COMMD10: variants seen among roughly 807,000 people sequenced by gnomAD.
The protein encoded by COMMD10 is COMM domain-containing protein 10.
A neutral mutation model predicts 28.9 loss-of-function variants in COMMD10; 33 were observed. The observed-to-expected ratio is 1.14, with a 90% CI of 0.87 to 1.53. COMMD10 has a LOEUF of 1.53. Among genes scored for constraint, COMMD10 ranks in the 40% most tolerant of loss-of-function variants. The pLI is 0.00. For missense variants in COMMD10, 310 were observed against 233.4 expected, an observed-to-expected ratio of 1.33 and a Z score of -2.14; for synonymous variants, 110 against 81.7, an observed-to-expected ratio of 1.35 and a Z score of -1.87.
chr5:116,285,265 A>T (rs762381233), intron 5 of COMMD10, among the ~76,000 whole-genome samples: 1 of 152,016 alleles, frequency 6.6e-6, no homozygotes, highest in African/African-American at 2.4e-5. Context: ...TCCTTACTTG[A>T]TAAGATAACT....
chr5:116,150,513 TG>T (rs1043620499), intron 5 of COMMD10, among the ~76,000 whole-genome samples: 2 of 150,194 alleles, frequency 1.3e-5, no homozygotes, highest in African/African-American at 5.0e-5. Context: ...TCCATTTGTT[TG>T]TATCCTCTTT....
chr5:116,261,136 CAT>C (rs1750432844), intron 5 of COMMD10, among the ~76,000 whole-genome samples: 1 of 151,686 alleles, frequency 6.6e-6, no homozygotes, highest in South Asian at 2.1e-4. Context: ...TGAGTAAAAA[CAT>C]ATTTCAGGAA....
chr5:116,135,715 A>G (rs1390787866), intron 5 of COMMD10, among the ~76,000 whole-genome samples: 1 of 152,184 alleles, frequency 6.6e-6, no homozygotes, highest in East Asian at 1.9e-4. Context: ...TGCCTAATTT[A>G]TAAATTAAAC....
chr5:116,198,506 A>G (rs370407935), intron 5 of COMMD10, among the ~76,000 whole-genome samples: 12 of 152,282 alleles, frequency 7.9e-5, no homozygotes, highest in Admixed American at 3.3e-4. Flanking sequence ...GTTTGTCACA[A>G]TAGATGAACC....
intron 5 of COMMD10, among the ~76,000 whole-genome samples, chr5:116,217,747 T>G (rs1296430261): frequency 6.6e-6 from 1 of 152,142 alleles, no homozygotes; most frequent in Non-Finnish European, 1.5e-5. Flanking sequence ...TGGCCATATG[T>G]GTCAAAGTCG....
intron 4 of COMMD10, among the ~76,000 whole-genome samples, chr5:116,115,871 G>A (rs1751217236): frequency 6.6e-6 from 1 of 151,982 alleles, no homozygotes; most frequent in Admixed American, 6.5e-5. Flanking sequence ...AATATTTTAA[G>A]CACTTCTGAG....
intron 5 of COMMD10, among the ~76,000 whole-genome samples, chr5:116,220,649 T>A (rs1275057397): frequency 6.6e-6 from 1 of 152,178 alleles, no homozygotes. Context: ...CGTCTGTTAT[T>A]CCACATTTTC....
intron 5 of COMMD10, among the ~76,000 whole-genome samples, chr5:116,209,812 A>C (rs1287154973): frequency 6.6e-6 from 1 of 152,128 alleles, no homozygotes; most frequent in African/African-American, 2.4e-5. Context: ...TCTTTAAGAT[A>C]TTGTCAGCTA....
intron 4 of COMMD10, among the ~76,000 whole-genome samples, chr5:116,123,803 T>C (rs1751523076): frequency 6.6e-6 from 1 of 152,002 alleles, no homozygotes. Context: ...CTTGGGAGGG[T>C]GTATGTGTCC....
At position 116,146,401 on chromosome 5, in the gene COMMD10, A is replaced by C. The variant is rs150625300; in HGVS notation, c.510+12223A>C. On this transcript the variant is annotated intron_variant, in intron 5 of 6. Transcript: ENST00000274458. ...TGTGAGAATTTTGTATGTTGTTTGA[A>C]TTATATTAGCTTTTGAACATCAGTG... is the stretch of plus-strand genomic sequence containing the variant. Among the ~76,000 whole-genome samples, 881 of 151,980 alleles carry C rather than the reference A, an allele frequency of 5.8e-3. 7 individuals are homozygous for C. The highest frequency in any genetic ancestry group is 0.02 in the African/African-American group (839 of 41,508).
chr5:116,140,515 G>A (rs1752166077), intron 5 of COMMD10, among the ~76,000 whole-genome samples: 1 of 151,718 alleles, frequency 6.6e-6, no homozygotes, highest in Non-Finnish European at 1.5e-5. Flanking sequence ...TGTCCTTAAT[G>A]GCTATACCAA....
At chr5:116,251,531 G>T (rs1489017266) in intron 5 of COMMD10, among the ~76,000 whole-genome samples, 1 of 148,938 alleles carries the variant, frequency 6.7e-6, no homozygotes, top group Admixed American at 6.8e-5. Flanking sequence ...CTATGAGTGA[G>T]AATATGCGGT....
intron 4 of COMMD10, among the ~76,000 whole-genome samples, chr5:116,117,047 GTATT>G (rs1257444746): frequency 6.6e-6 from 1 of 151,976 alleles, no homozygotes; most frequent in Non-Finnish European, 1.5e-5. Flanking sequence ...CATATAATAT[GTATT>G]TGACTGTCAC....
At chr5:116,146,979 A>G (rs998898935) in intron 5 of COMMD10, among the ~76,000 whole-genome samples, 3 of 151,916 alleles carry the variant, frequency 2.0e-5, no homozygotes, top group Non-Finnish European at 2.9e-5. Context: ...TTAAAAAACT[A>G]AAATGCTTTA....
At chr5:116,260,166 T>TG (rs1338479653) in intron 5 of COMMD10, among the ~76,000 whole-genome samples, 1 of 151,856 alleles carries the variant, frequency 6.6e-6, no homozygotes, top group Non-Finnish European at 1.5e-5. Flanking sequence ...ATACAGATTT[T>TG]GAAATTAAGA....
At chr5:116,132,162 G>A (rs892168469) in intron 4 of COMMD10, among the ~76,000 whole-genome samples, 2 of 151,922 alleles carry the variant, frequency 1.3e-5, no homozygotes, top group Non-Finnish European at 2.9e-5. Context: ...CATGAATTTT[G>A]GAAAATATTT....
At position 116,087,535 on chromosome 5, in the gene COMMD10, C is replaced by G. The variant is rs74348140; in HGVS notation, c.80C>G (p.Thr27Arg). Reference sequence around the variant, plus strand: ...GTGTCACTGATAAATGCAATAGATACAGGAAGATTTCCACGGTTGCTCACT... The same window carrying G: ...GTGTCACTGATAAATGCAATAGATAGAGGAAGATTTCCACGGTTGCTCACT... Reference protein sequence around the residue: ...KAVSLINAIDTGRFPRLLTRI... With the variant: ...KAVSLINAIDRGRFPRLLTRI... Residue 27 changes from threonine to arginine, a missense_variant, in exon 2 of 7, where the codon ACA becomes AGA. Thr to Arg is a moderately conservative substitution (Grantham distance 71). Coordinates refer to ENST00000274458, the MANE Select transcript of COMMD10 (RefSeq NM_016144.4). 1.2e-6 allele frequency: 2 copies of G among 1,612,630 alleles called. No homozygotes were observed. The highest frequency in any genetic ancestry group is 1.7e-6 in the Non-Finnish European group (2 of 1,178,614).
At chr5:116,128,132 T>G (rs1440711006) in intron 4 of COMMD10, among the ~76,000 whole-genome samples, 2 of 152,076 alleles carry the variant, frequency 1.3e-5, no homozygotes, top group African/African-American at 4.8e-5. Context: ...TTACATTTTC[T>G]TTTCCTATTT....
intron 5 of COMMD10, among the ~76,000 whole-genome samples, chr5:116,250,229 A>C (rs538985657): frequency 3.2e-4 from 49 of 151,986 alleles, no homozygotes; most frequent in African/African-American, 1.2e-3. Context: ...TTGAACCTGA[A>C]ACAGAAACTG....
Sources: allele counts gnomAD v4.1 joint callset (sites outside exome capture counted in the v4.1 genomes callset), GRCh38; gene constraint gnomAD v4.1.1; transcripts MANE v1.5; gene names NCBI Gene and HGNC (gene_info 2026-07-23, HGNC 2026-07-21).